PRR11: variants seen among roughly 807,000 people sequenced by gnomAD.
The protein encoded by PRR11 is proline rich 11, also known as proline-rich protein 11.
A neutral mutation model predicts 45.6 loss-of-function variants in PRR11; 30 were observed. The ratio of observed to expected loss-of-function variants is 0.66; its 90% confidence interval spans 0.49 to 0.89. PRR11 has a LOEUF of 0.89. Ranked by LOEUF, PRR11 falls within the 40% of genes least tolerant of loss-of-function variation. The pLI, the probability that PRR11 is intolerant of heterozygous loss-of-function variation, is 0.00. For synonymous variants in PRR11, 128 were observed against 153.5 expected (o/e 0.83, Z 1.23); for missense variants, 373 against 424.8 (o/e 0.88, Z 1.07).
intron 1 of PRR11, among the ~76,000 whole-genome samples, chr17:59,169,334 G>A (rs141364496): frequency 0.017 from 2,629 of 152,078 alleles, 37 homozygotes; most frequent in Non-Finnish European, 0.029. Context: ...CTGACCTCAG[G>A]TGATTCACCC....
intron 2 of PRR11, among the ~76,000 whole-genome samples, chr17:59,171,293 C>T (rs1256848364): frequency 6.6e-6 from 1 of 151,382 alleles, no homozygotes; most frequent in African/African-American, 2.4e-5. Flanking sequence ...ACAAACATGA[C>T]AATACAAAGT....
chr17:59,185,233 GCTATAGTTTTTCTACACA>G, intron 3 of PRR11, 29 bp downstream of exon 3: 6 of 1,609,648 alleles, frequency 3.7e-6, no homozygotes, highest in Non-Finnish European at 4.2e-6. Context: ...TGTTTTCAGT[GCTATAGTTTTTCTACACA>G]CTTGGTGTTT....
At position 59,205,707 on chromosome 17, in the gene PRR11, A is replaced by G. The variant is rs1657909804; in HGVS notation, c.*4076A>G. ...AGAGCGAAACTGTCTCAAAAAAAAA[A>G]AAAAAGTATATGTTAAGTATAGAAA... On this transcript the variant is annotated 3_prime_UTR_variant, in exon 10 of 10. Coordinates refer to ENST00000262293, the MANE Select transcript of PRR11 (RefSeq NM_018304.4). Among the ~76,000 whole-genome samples the G allele has an allele frequency of 6.6e-6, 1 of 151,540 alleles. No homozygotes were observed. The highest frequency in any genetic ancestry group is 2.4e-5 in the African/African-American group (1 of 41,312).
Position 59,201,754 on chromosome 17 carries a change from T to C in PRR11, c.*123T>C. 6 of 987,730 alleles carry C rather than the reference T, an allele frequency of 6.1e-6. No individual in the cohort carries two copies. In the South Asian group the frequency reaches 6.5e-5, roughly 11 times the overall value. 61.2% of individuals were successfully genotyped at this position (987,730 alleles called of 1,614,324 possible). On this transcript the variant is annotated 3_prime_UTR_variant, in exon 10 of 10. Coordinates refer to ENST00000262293, the MANE Select transcript of PRR11 (RefSeq NM_018304.4). ...GGGAGGCTGAGGCAGGTGGATCACCTGAGGTCAGGAGTTTGAGACCAGCCT... is the reference window on the plus strand; with the variant it reads ...GGGAGGCTGAGGCAGGTGGATCACCCGAGGTCAGGAGTTTGAGACCAGCCT...
At chr17:59,190,393 A>G (rs189862690) in intron 4 of PRR11, among the ~76,000 whole-genome samples, 158 of 151,554 alleles carry the variant, frequency 1.0e-3, no homozygotes, top group Middle Eastern at 6.8e-3. Context: ...AATCACTTGA[A>G]CCCAGGAGGT....
At chr17:59,157,995 G>A (rs1207760537) in intron 1 of PRR11, among the ~76,000 whole-genome samples, 1 of 152,228 alleles carries the variant, frequency 6.6e-6, no homozygotes, top group Non-Finnish European at 1.5e-5. Flanking sequence ...GAGCTAAGTT[G>A]TGAAAAGTTT....
intron 7 of PRR11, among the ~76,000 whole-genome samples, chr17:59,196,007 G>A (rs946083685): frequency 9.4e-5 from 14 of 149,022 alleles, no homozygotes; most frequent in African/African-American, 3.2e-4. Flanking sequence ...AGGATCACTT[G>A]AGCCCAGGAG....
intron 8 of PRR11, 44 bp from the exon 9 acceptor site, chr17:59,197,649 G>A (rs9910349): frequency 4.3e-6 from 7 of 1,611,226 alleles, no homozygotes; most frequent in Non-Finnish European, 5.9e-6. Context: ...CATTTTAAAA[G>A]TTGCCATAAA....
intron 2 of PRR11, chr17:59,175,083 C>T: frequency 1.7e-6 from 1 of 580,466 alleles, no homozygotes; most frequent in South Asian, 1.7e-5. Context: ...GAAAATGTTT[C>T]ATTTGGAGGC....
At chr17:59,181,703 T>G in intron 2 of PRR11, 1 of 1,553,200 alleles carries the variant, frequency 6.4e-7, no homozygotes, top group South Asian at 1.1e-5. Flanking sequence ...CTCTTCCTTT[T>G]CCAGCAAAGG....
chr17:59,180,463 A>G (rs1599700133), intron 2 of PRR11, among the ~76,000 whole-genome samples: 1 of 142,594 alleles, frequency 7.0e-6, no homozygotes, highest in Non-Finnish European at 1.5e-5. Context: ...ACACCTCCTC[A>G]GGTGCTCCTT....
At chr17:59,157,688 C>T (rs1056781404) in intron 1 of PRR11, among the ~76,000 whole-genome samples, 3 of 151,108 alleles carry the variant, frequency 2.0e-5, no homozygotes, top group African/African-American at 7.3e-5. Context: ...GGTGACAGAG[C>T]GAGACTCTGT....
rs1486456494 is a variant in PRR11, at chr17:59,204,107, G to A, written c.*2476G>A. 6.6e-6 allele frequency: 1 copy of A among 151,964 alleles called. No individual in the cohort carries two copies. Among genetic ancestry groups the A allele is most frequent in the African/African-American group, 2.4e-5 (1 of 41,370 alleles). The allele number at this position is 151,964 out of a possible 1,614,324, so 9.4% of individuals were successfully genotyped here. A position where few individuals can be genotyped will look rare whatever the true frequency, so the allele number is the denominator to read the frequency against. On this transcript the variant is annotated 3_prime_UTR_variant, in exon 10 of 10. Coordinates refer to ENST00000262293, the MANE Select transcript of PRR11 (RefSeq NM_018304.4). The stretch of plus-strand genomic sequence containing the variant: ...TGGGATAAGAGATCATTAAAAAAAT[G>A]CTAGGGCCGGGCACCATGGCTCACG...
intron 4 of PRR11, 62 bp from the exon 5 acceptor site, chr17:59,193,430 T>C (rs1291711532): frequency 3.1e-6 from 5 of 1,597,260 alleles, no homozygotes; most frequent in Non-Finnish European, 4.3e-6. Context: ...TTTTGATGAC[T>C]CTCACCCTCA....
chr17:59,169,696 C>T (rs564486943), intron 1 of PRR11, 52 bp from the exon 2 acceptor site: 1 of 1,409,926 alleles, frequency 7.1e-7, no homozygotes, highest in East Asian at 2.5e-5. Flanking sequence ...TGTGTACTTT[C>T]TATATGTATA....
At chr17:59,182,447 G>A (rs552923612) in intron 2 of PRR11, among the ~76,000 whole-genome samples, 1 of 144,784 alleles carries the variant, frequency 6.9e-6, no homozygotes, top group East Asian at 2.1e-4. Context: ...ACTGGAGTGC[G>A]GTAGCACAAT....
chr17:59,201,711 C>G lies in PRR11; in HGVS notation c.*80C>G, dbSNP rs568138296. ...CCCAGCTGGGTGCAGTGGCTCACAC[C>G]TGTAATCCCAGCACTTTGGGAGGCT... On this transcript the variant is annotated 3_prime_UTR_variant, in exon 10 of 10. Transcript: ENST00000262293. 6.9e-7 allele frequency: 1 copy of G among 1,446,480 alleles called. No homozygotes were observed. The highest frequency in any genetic ancestry group is 1.1e-5 in the South Asian group (1 of 87,886). 89.6% of individuals were successfully genotyped at this position (1,446,480 alleles called of 1,614,324 possible).
intron 9 of PRR11, among the ~76,000 whole-genome samples, chr17:59,201,001 C>T (rs1055802230): frequency 2.6e-5 from 4 of 151,588 alleles, no homozygotes; most frequent in African/African-American, 9.7e-5. Flanking sequence ...TTTGGTTACA[C>T]AAATTAGTTC....
At position 59,172,623 on chromosome 17, in the gene PRR11, G is replaced by A. The variant is rs552953780; in HGVS notation, c.128+2743G>A. On this transcript the variant is annotated intron_variant, in intron 2 of 9. Coordinates refer to ENST00000262293, the MANE Select transcript of PRR11 (RefSeq NM_018304.4). ...GGCGGCCCCCACACTCTGAGCTGTC[G>A]GCTGCCCCGGCCAGCCCGGGCAGTG... 3.7e-4 allele frequency among the ~76,000 whole-genome samples: 56 copies of A among 152,370 alleles called. 1 individual carries two copies. The East Asian group carries it at 0.01, about 28-fold the overall frequency.
Sources: allele counts gnomAD v4.1 joint callset (sites outside exome capture counted in the v4.1 genomes callset), GRCh38; gene constraint gnomAD v4.1.1; transcripts MANE v1.5; gene names NCBI Gene and HGNC (gene_info 2026-07-23, HGNC 2026-07-21).